The following GRM8 variants were observed in gnomAD, a reference collection of about 807,000 sequenced individuals.
The protein encoded by GRM8 is glutamate metabotropic receptor 8, also known as metabotropic glutamate receptor 8.
A neutral mutation model predicts 87.2 loss-of-function variants in GRM8; 47 were observed. That is an observed-to-expected ratio of 0.54 (90% CI 0.43 to 0.69). The LOEUF (loss-of-function observed/expected upper bound fraction) is 0.69, where lower values mean the gene tolerates loss of function less well. Among genes scored for constraint, GRM8 ranks in the 30% least tolerant of loss-of-function variants. GRM8 has a pLI of 0.00. For synonymous variants in GRM8, 396 were observed against 404.5 expected, an observed-to-expected ratio of 0.98 and a Z score of 0.25; for missense variants, 1,019 against 1,139.2, an observed-to-expected ratio of 0.89 and a Z score of 1.52.
At chr7:126,680,498 C>T (rs1282475739) in intron 7 of GRM8, among the ~76,000 whole-genome samples, 4 of 152,080 alleles carry the variant, frequency 2.6e-5, no homozygotes, top group Admixed American at 2.6e-4. Flanking sequence ...GGAAGAAGTG[C>T]AGTATATTTC....
chr7:126,543,650 G>A (rs1816796984), intron 8 of GRM8, among the ~76,000 whole-genome samples: 1 of 152,224 alleles, frequency 6.6e-6, no homozygotes, highest in African/African-American at 2.4e-5. Flanking sequence ...GGGTTTGTGA[G>A]CCAAGTGTGC....
At chr7:127,244,588 C>A (rs550730485) in intron 1 of GRM8, among the ~76,000 whole-genome samples, 5 of 152,160 alleles carry the variant, frequency 3.3e-5, no homozygotes, top group Admixed American at 2.0e-4. Flanking sequence ...TAATCTAATG[C>A]TCATTTCTAA....
intron 3 of GRM8, among the ~76,000 whole-genome samples, chr7:127,024,648 CA>C (rs899577023): frequency 3.9e-5 from 6 of 152,086 alleles, no homozygotes; most frequent in Non-Finnish European, 8.8e-5. Context: ...CTGTGGCCCA[CA>C]AGGTCTCCCA....
intron 3 of GRM8, among the ~76,000 whole-genome samples, chr7:127,035,808 T>A (rs1230557478): frequency 6.6e-6 from 1 of 152,126 alleles, no homozygotes; most frequent in Admixed American, 6.5e-5. Context: ...CCACACAGGC[T>A]CCCATCCCCA....
intron 2 of GRM8, among the ~76,000 whole-genome samples, chr7:127,208,367 C>G (rs1796030250): frequency 6.6e-6 from 1 of 152,094 alleles, no homozygotes; most frequent in African/African-American, 2.4e-5. Context: ...CCTGTTCCAC[C>G]CCTTCCTCCC....
intron 7 of GRM8, among the ~76,000 whole-genome samples, chr7:126,672,933 C>T (rs968951998): frequency 6.6e-6 from 1 of 152,108 alleles, no homozygotes; most frequent in African/African-American, 2.4e-5. Context: ...CCTTATCAGG[C>T]GAAAGCAGTT....
chr7:126,455,761 C>T (rs1005478045), intron 9 of GRM8, among the ~76,000 whole-genome samples: 1 of 151,656 alleles, frequency 6.6e-6, no homozygotes, highest in Non-Finnish European at 1.5e-5. Flanking sequence ...GAAGACATTG[C>T]TGCATAGGCA....
intron 3 of GRM8, among the ~76,000 whole-genome samples, chr7:126,926,790 T>C (rs954089235): frequency 6.6e-6 from 1 of 152,190 alleles, no homozygotes; most frequent in Admixed American, 6.5e-5. Context: ...CTTTCAAGGG[T>C]CCACTCCTCC....
chr7:127,179,598 C>T (rs1299663421), intron 2 of GRM8, among the ~76,000 whole-genome samples: 1 of 151,976 alleles, frequency 6.6e-6, no homozygotes, highest in East Asian at 1.9e-4. Flanking sequence ...ATATGACAGG[C>T]CATAAAATGA....
chr7:126,454,650 T>A (rs1186378088), intron 9 of GRM8, among the ~76,000 whole-genome samples: 1 of 151,340 alleles, frequency 6.6e-6, no homozygotes, highest in Non-Finnish European at 1.5e-5. Context: ...GAAGACGGGG[T>A]CTTTAAAGAG....
intron 2 of GRM8, among the ~76,000 whole-genome samples, chr7:127,111,341 T>C (rs1019934994): frequency 2.0e-5 from 3 of 152,214 alleles, no homozygotes; most frequent in African/African-American, 7.2e-5. Flanking sequence ...CATATATTAT[T>C]AATAGGAGTT....
rs973452463 is a variant in GRM8, at chr7:127,249,384, G to T, written c.-312+3413C>A. Among the ~76,000 whole-genome samples the T allele has an allele frequency of 5.3e-5, 8 of 152,278 alleles. No individual in the cohort carries two copies. In the East Asian group the frequency reaches 1.5e-3, roughly 29 times the overall value. ...ACTGTCATCCCCAAATGGAACATCT[G>T]CATTCTCAAAATGATTCCTAGGAGA... On this transcript the variant is annotated intron_variant, in intron 1 of 10. Coordinates refer to ENST00000339582, the MANE Select transcript of GRM8 (RefSeq NM_000845.3).
chr7:126,485,979 G>A (rs953137295), intron 9 of GRM8, among the ~76,000 whole-genome samples: 8 of 151,930 alleles, frequency 5.3e-5, no homozygotes, highest in African/African-American at 1.4e-4. Flanking sequence ...ATTAAGTCAC[G>A]TACCTCTACA....
chr7:126,661,855 T>G (rs1228981482), intron 7 of GRM8, among the ~76,000 whole-genome samples: 1 of 152,152 alleles, frequency 6.6e-6, no homozygotes, highest in African/African-American at 2.4e-5. Flanking sequence ...TTGTTTCAAA[T>G]CAATATGCCA....
At chr7:126,906,213 T>A (rs1280906745) in intron 3 of GRM8, among the ~76,000 whole-genome samples, 1 of 152,200 alleles carries the variant, frequency 6.6e-6, no homozygotes, top group Non-Finnish European at 1.5e-5. Context: ...AAGAGGGCCC[T>A]CATCAGCTCT....
At chr7:127,092,425 G>A (rs529174351) in intron 3 of GRM8, among the ~76,000 whole-genome samples, 1 of 152,336 alleles carries the variant, frequency 6.6e-6, no homozygotes, top group African/African-American at 2.4e-5. Context: ...GCTGGGCACG[G>A]TGGCCCACGC....
At chr7:126,806,752 C>T (rs560425464) in intron 6 of GRM8, among the ~76,000 whole-genome samples, 6 of 152,356 alleles carry the variant, frequency 3.9e-5, no homozygotes, top group African/African-American at 1.4e-4. Flanking sequence ...CCAGAGGGAG[C>T]TCGCCCCCCA....
chr7:126,846,364 G>A (rs1480640258), intron 6 of GRM8, among the ~76,000 whole-genome samples: 1 of 152,220 alleles, frequency 6.6e-6, no homozygotes, highest in Non-Finnish European at 1.5e-5. Context: ...TACCTGAGGT[G>A]ACAAAATCAT....
At chr7:126,596,716 C>T (rs1797234651) in intron 8 of GRM8, among the ~76,000 whole-genome samples, 1 of 152,058 alleles carries the variant, frequency 6.6e-6, no homozygotes, top group Admixed American at 6.6e-5. Context: ...GAGCTAAATA[C>T]ATAGTATAAG....
Sources: gnomAD v4.1 joint callset for allele counts (sites outside exome capture counted in the v4.1 genomes callset) on GRCh38, gnomAD v4.1.1 for gene constraint, MANE v1.5 for transcripts, NCBI Gene and HGNC (gene_info 2026-07-23, HGNC 2026-07-21) for gene names.